The following PTPN13 variants were observed in gnomAD, a reference collection of about 807,000 sequenced individuals.
PTPN13 encodes the protein protein tyrosine phosphatase non-receptor type 13.
In PTPN13, 191 loss-of-function variants were observed where a neutral mutation model predicts 284.0. That is an observed-to-expected ratio of 0.67 (90% CI 0.60 to 0.76). The LOEUF is 0.76. PTPN13 is among the 30% of genes least tolerant of loss of function. The pLI is 0.00. For synonymous variants in PTPN13, 986 were observed against 1,022.3 expected (o/e 0.96, Z 0.68); for missense variants, 2,797 against 2,939.9 (o/e 0.95, Z 1.12).
intron 45 of PTPN13, among the ~76,000 whole-genome samples, chr4:86,808,471 G>C (rs1214594455): frequency 6.6e-6 from 1 of 152,104 alleles, no homozygotes; most frequent in Non-Finnish European, 1.5e-5. Flanking sequence ...CTTACTACAC[G>C]CCTGTGCACA....
At chr4:86,708,513 C>T (rs771913334) in intron 7 of PTPN13, among the ~76,000 whole-genome samples, 5 of 151,996 alleles carry the variant, frequency 3.3e-5, no homozygotes, top group Non-Finnish European at 7.4e-5. Flanking sequence ...ATAATATGTT[C>T]CTTTATTGGA....
At position 86,759,079 on chromosome 4, in the gene PTPN13, G is replaced by C; in HGVS notation, c.3553+6G>C. On this transcript the variant is annotated splice_donor_region_variant and intron_variant, in intron 23 of 47. Coordinates refer to ENST00000411767, the MANE Select transcript of PTPN13 (RefSeq NM_080683.3). ...AAAAGAAAAGATATCCAAAGGTAAT[G>C]TGAATGTCTCTTACTTATGTATTCT... 6.2e-7 allele frequency: 1 copy of C among 1,611,468 alleles called. No individual in the cohort carries two copies. Among genetic ancestry groups the C allele is most frequent in the Non-Finnish European group, 8.5e-7 (1 of 1,178,858 alleles).
At chr4:86,716,913 C>A in intron 8 of PTPN13, 111 bp from the exon 9 acceptor site, 1 of 720,876 alleles carries the variant, frequency 1.4e-6, no homozygotes, top group Non-Finnish European at 2.3e-6. Context: ...TAATTTTGTT[C>A]TGTGGATTAG....
intron 37 of PTPN13, among the ~76,000 whole-genome samples, chr4:86,782,696 AT>A (rs1261349761): frequency 1.8e-4 from 27 of 152,208 alleles, no homozygotes; most frequent in African/African-American, 6.3e-4. Context: ...TAGCAAAAAA[AT>A]AAATAAATAA....
chr4:86,750,899 T>C lies in PTPN13; in HGVS notation c.3068+12T>C. On this transcript the variant is annotated intron_variant, in intron 18 of 47. Transcript: ENST00000411767. ...ACAAAACTTAATAAGTAAGAACATA[T>C]TAACTAACCCAATTACATATTTGTA... is the stretch of plus-strand genomic sequence containing the variant. 6.2e-7 allele frequency: 1 copy of C among 1,606,002 alleles called. No homozygotes were observed. The highest frequency in any genetic ancestry group is 8.5e-7 in the Non-Finnish European group (1 of 1,175,842).
intron 5 of PTPN13, among the ~76,000 whole-genome samples, chr4:86,691,721 T>TA (rs1205050922): frequency 1.3e-5 from 2 of 152,164 alleles, no homozygotes; most frequent in African/African-American, 2.4e-5. Flanking sequence ...TAGTCACAGA[T>TA]ACGGTAAATG....
rs570982878 is a variant in PTPN13, at chr4:86,647,356, T to C, written c.115+11985T>C. ...GCTGTGTTTTTAAAAGAAAAATGTT[T>C]TTCAGTCAAATGCTGTACCTGACTT... is the stretch of plus-strand genomic sequence containing the variant. On this transcript the variant is annotated intron_variant, in intron 2 of 47. Transcript: ENST00000411767. 6.6e-5 allele frequency among the ~76,000 whole-genome samples: 10 copies of C among 152,192 alleles called. No individual in the cohort carries two copies. In the South Asian group the frequency reaches 1.5e-3, roughly 22 times the overall value.
chr4:86,812,437 A>G (rs1276899433), intron 47 of PTPN13, among the ~76,000 whole-genome samples: 1 of 152,226 alleles, frequency 6.6e-6, no homozygotes, highest in Admixed American at 6.5e-5. Flanking sequence ...GGAAGACCAT[A>G]GACATGTTAA....
chr4:86,602,499 T>TA (rs975745715), intron 1 of PTPN13, among the ~76,000 whole-genome samples: 2 of 150,344 alleles, frequency 1.3e-5, no homozygotes, highest in African/African-American at 4.9e-5. Flanking sequence ...TTTAACACGG[T>TA]ACAGGTAATA....
rs1299500014 is a variant in PTPN13 at position 86,594,693 on chromosome 4, G to C, written c.-102G>C. 6.6e-6 allele frequency: 1 copy of C among 152,304 alleles called. No individual in the cohort carries two copies. Among genetic ancestry groups the C allele is most frequent in the Non-Finnish European group, 1.5e-5 (1 of 68,198 alleles). The allele number at this position is 152,304 out of a possible 1,614,324, so 9.4% of individuals were successfully genotyped here. A position where few individuals can be genotyped will look rare whatever the true frequency, so the allele number is the denominator to read the frequency against. On this transcript the variant is annotated 5_prime_UTR_variant, in exon 1 of 48. Transcript: ENST00000411767. ...TGTGGGAGAAGTGGTGGTGGCTCTC[G>C]GCGCCCGCGGCGGCTGCCGGCGGCC...
intron 7 of PTPN13, among the ~76,000 whole-genome samples, chr4:86,703,674 C>G (rs1234771655): frequency 6.6e-6 from 1 of 151,666 alleles, no homozygotes. Context: ...CAAGACCAGT[C>G]TGGGCAATAT....
At position 86,751,022 on chromosome 4, in the gene PTPN13, T is replaced by C. The variant is rs1490059652; in HGVS notation, c.3069-5T>C. On this transcript the variant is annotated splice_region_variant and splice_polypyrimidine_tract_variant and intron_variant, in intron 18 of 47. Transcript: ENST00000411767. ...TTCCCTCCTACCTTCCTTTTCCCTC[T>C]TCAGTTCAAAGTCTGTTGCGAGTTT... is the stretch of plus-strand genomic sequence containing the variant. 1.4e-5 allele frequency: 23 copies of C among 1,598,674 alleles called. No homozygotes were observed. The highest frequency in any genetic ancestry group is 2.0e-5 in the Non-Finnish European group (23 of 1,167,586).
intron 1 of PTPN13, among the ~76,000 whole-genome samples, chr4:86,596,212 TAAGAA>T (rs1763773199): frequency 6.6e-6 from 1 of 152,206 alleles, no homozygotes; most frequent in Non-Finnish European, 1.5e-5. Flanking sequence ...GGTTAGTTGT[TAAGAA>T]AAGGACTGAT....
At chr4:86,784,404 C>A in intron 37 of PTPN13, 61 bp from the exon 38 acceptor site, 1 of 1,095,848 alleles carries the variant, frequency 9.1e-7, no homozygotes, top group Non-Finnish European at 1.3e-6. Context: ...AATGTGCAGT[C>A]CCCCGATCCT....
chr4:86,639,229 G>T (rs201268244), intron 2 of PTPN13, among the ~76,000 whole-genome samples: 1 of 151,504 alleles, frequency 6.6e-6, no homozygotes, highest in African/African-American at 2.4e-5. Context: ...ACTGTTGGTG[G>T]GACTGTAAAC....
chr4:86,717,189 A>ATTTTTTTT, intron 9 of PTPN13, 72 bp downstream of exon 9: 2 of 739,800 alleles, frequency 2.7e-6, no homozygotes, highest in South Asian at 2.0e-5. Flanking sequence ...ATTAAATGGA[A>ATTTTTTTT]TTTTTTTTTT....
chr4:86,766,925 T>C (rs1377175711), intron 27 of PTPN13, among the ~76,000 whole-genome samples: 1 of 152,134 alleles, frequency 6.6e-6, no homozygotes, highest in Non-Finnish European at 1.5e-5. Flanking sequence ...TTGGAGGTTT[T>C]TGTTGTTGTT....
chr4:86,809,635 G>C, intron 45 of PTPN13, 134 bp from the exon 46 acceptor site: 1 of 742,122 alleles, frequency 1.3e-6, no homozygotes, highest in Non-Finnish European at 2.2e-6. Context: ...AGGCTGCAGT[G>C]AGCCGAGATT....
chr4:86,748,106 A>C (rs574061291), intron 17 of PTPN13, among the ~76,000 whole-genome samples: 11 of 152,338 alleles, frequency 7.2e-5, no homozygotes, highest in African/African-American at 2.4e-4. Flanking sequence ...ACTATTTATA[A>C]GTGCACACTA....
Sources: gnomAD v4.1 joint callset for allele counts (sites outside exome capture counted in the v4.1 genomes callset) on GRCh38, gnomAD v4.1.1 for gene constraint, MANE v1.5 for transcripts, NCBI Gene and HGNC (gene_info 2026-07-23, HGNC 2026-07-21) for gene names.